PXK: variants seen among roughly 807,000 people sequenced by gnomAD.
The protein encoded by PXK is PX domain containing serine/threonine kinase like, also known as PX domain-containing protein kinase-like protein.
In PXK, 35 loss-of-function variants were observed where a neutral mutation model predicts 84.7. The observed-to-expected ratio is 0.41, with a 90% CI of 0.32 to 0.55. PXK has a LOEUF of 0.55. Among genes scored for constraint, PXK ranks in the 20% least tolerant of loss-of-function variants. The pLI, the probability that PXK is intolerant of heterozygous loss-of-function variation, is 0.21. For missense variants in PXK, 634 were observed against 699.7 expected (o/e 0.91, Z 1.06); for synonymous variants, 253 against 260.8 (o/e 0.97, Z 0.29).
chr3:58,373,239 C>G (rs567661682), intron 3 of PXK, among the ~76,000 whole-genome samples: 3 of 152,202 alleles, frequency 2.0e-5, no homozygotes, highest in East Asian at 3.9e-4. Context: ...CCACCATGCC[C>G]GGCTAATTTT....
At position 58,412,073 on chromosome 3, in the gene PXK, G is replaced by A. The variant is rs1221834066; in HGVS notation, c.1466-828G>A. On this transcript the variant is annotated intron_variant, in intron 16 of 17. Coordinates refer to ENST00000356151, the MANE Select transcript of PXK (RefSeq NM_017771.5). The surrounding 1 kb of genome is among the most constrained non-coding windows in gnomAD (Gnocchi z 6.2). ...CGTGTGATGGCAGCCCTCTGGGTGTGTGTGCCCATCAGCCCAGAAAGCACC... is the reference window on the plus strand; with the variant it reads ...CGTGTGATGGCAGCCCTCTGGGTGTATGTGCCCATCAGCCCAGAAAGCACC... Among the ~76,000 whole-genome samples, 1 of 152,108 alleles carries A rather than the reference G, an allele frequency of 6.6e-6. No individual in the cohort carries two copies. Among genetic ancestry groups the A allele is most frequent in the African/African-American group, 2.4e-5 (1 of 41,418 alleles).
chr3:58,340,599 G>A (rs761778743), intron 1 of PXK, among the ~76,000 whole-genome samples: 1 of 152,044 alleles, frequency 6.6e-6, no homozygotes, highest in Non-Finnish European at 1.5e-5. Flanking sequence ...GGTGGCGCAT[G>A]CCTGTAATCC....
chr3:58,389,867 C>G lies in PXK; in HGVS notation c.389-715C>G, dbSNP rs181798290. On this transcript the variant is annotated intron_variant, in intron 4 of 17. Transcript: ENST00000356151. ...ATACAAAATTAGCTGGGCATGGTGG[C>G]GCATGCCTGTAATCCTAACTACTCA... Among the ~76,000 whole-genome samples the G allele has an allele frequency of 2.9e-3, 434 of 151,730 alleles. 3 individuals are homozygous for G. The highest frequency in any genetic ancestry group is 9.7e-3 in the African/African-American group (402 of 41,374).
chr3:58,397,308 A>G lies in PXK; in HGVS notation c.984+108A>G. On this transcript the variant is annotated intron_variant, in intron 10 of 17. Coordinates refer to ENST00000356151, the MANE Select transcript of PXK (RefSeq NM_017771.5). This position sits in a 1 kb window ranked among gnomAD's most constrained non-coding sequence, Gnocchi z 4.7. Reference sequence around the variant, plus strand: ...CCAAGTAGTGAAAGGTATAGTTGGGACAGGCCTTGCCCGTCAGCCCTTGCA... The same window carrying G: ...CCAAGTAGTGAAAGGTATAGTTGGGGCAGGCCTTGCCCGTCAGCCCTTGCA... The G allele has an allele frequency of 2.2e-6, 3 of 1,339,848 alleles. No individual in the cohort carries two copies. The highest frequency in any genetic ancestry group is 2.1e-6 in the Non-Finnish European group (2 of 960,122). The allele number at this position is 1,339,848 out of a possible 1,614,324, so 83.0% of individuals were successfully genotyped here.
At position 58,425,242 on chromosome 3, in the gene PXK, A is replaced by T; in HGVS notation, c.*282A>T. The T allele has an allele frequency of 2.7e-6, 1 of 368,034 alleles. No individual in the cohort carries two copies. 22.8% of individuals were successfully genotyped at this position (368,034 alleles called of 1,614,324 possible). A position where few individuals can be genotyped will look rare whatever the true frequency, so the allele number is the denominator to read the frequency against. On this transcript the variant is annotated 3_prime_UTR_variant, in exon 18 of 18. Coordinates refer to ENST00000356151, the MANE Select transcript of PXK (RefSeq NM_017771.5). ...AGGCTTTTGGGACAGCAGCATATTGAAATATTTTCACCAACTAAAGGAAAT... is the reference window on the plus strand; with the variant it reads ...AGGCTTTTGGGACAGCAGCATATTGTAATATTTTCACCAACTAAAGGAAAT...
intron 3 of PXK, 74 bp from the exon 4 acceptor site, chr3:58,382,440 G>A: frequency 7.9e-7 from 1 of 1,270,576 alleles, no homozygotes; most frequent in African/African-American, 1.5e-5. Context: ...AATGAAATAT[G>A]ATAGGTCAAG....
intron 2 of PXK, among the ~76,000 whole-genome samples, 184 bp from the exon 3 acceptor site, chr3:58,369,247 T>C (rs553208789): frequency 6.6e-6 from 1 of 152,364 alleles, no homozygotes; most frequent in South Asian, 2.1e-4. Context: ...CGCTTGGCAC[T>C]GCTAAGTCTG....
chr3:58,340,641 C>T (rs2107734956), intron 1 of PXK, among the ~76,000 whole-genome samples: 1 of 151,994 alleles, frequency 6.6e-6, no homozygotes, highest in South Asian at 2.1e-4. Flanking sequence ...CAGGAGAATC[C>T]TTGAACCCAG....
Position 58,333,383 on chromosome 3 carries a change from C to T in PXK, c.102+293C>T, listed in dbSNP as rs1575570269. The T allele has an allele frequency of 3.5e-6, 1 of 285,798 alleles. No homozygotes were observed. Among genetic ancestry groups the T allele is most frequent in the Non-Finnish European group, 7.3e-6 (1 of 137,756 alleles). The allele number at this position is 285,798 out of a possible 1,614,324, so 17.7% of individuals were successfully genotyped here. On this transcript the variant is annotated intron_variant, in intron 1 of 17. Transcript: ENST00000356151. The surrounding 1 kb of genome is among the most constrained non-coding windows in gnomAD (Gnocchi z 5.4). The stretch of plus-strand genomic sequence containing the variant: ...GCGACTCCGAGTTGGGGGGCGGGGG[C>T]GGGGGCTGCGGGATTCCCGGGCTCA...
chr3:58,333,828 G>A lies in PXK; in HGVS notation c.102+738G>A, dbSNP rs1170054526. ...CAGGGTTCATTTCTGCTACATATAC[G>A]GTCTTTTATGGGGCTTTAAAACCGT... On this transcript the variant is annotated intron_variant, in intron 1 of 17. Transcript: ENST00000356151. The surrounding 1 kb of genome is among the most constrained non-coding windows in gnomAD (Gnocchi z 5.4). 6.6e-6 allele frequency among the ~76,000 whole-genome samples: 1 copy of A among 151,830 alleles called. No individual in the cohort carries two copies. Among genetic ancestry groups the A allele is most frequent in the South Asian group, 2.1e-4 (1 of 4,800 alleles).
chr3:58,368,997 C>T (rs2098323907), intron 2 of PXK, among the ~76,000 whole-genome samples: 1 of 152,172 alleles, frequency 6.6e-6, no homozygotes, highest in African/African-American at 2.4e-5. Context: ...GTGGTGGGAG[C>T]TCACCTGGGG....
intron 4 of PXK, among the ~76,000 whole-genome samples, chr3:58,388,353 TG>T (rs2098584605): frequency 6.6e-6 from 1 of 152,232 alleles, no homozygotes; most frequent in Admixed American, 6.5e-5. Flanking sequence ...ATAATGATTT[TG>T]TAGGGAATTC....
chr3:58,335,593 T>C (rs148592471), intron 1 of PXK, among the ~76,000 whole-genome samples: 3 of 139,668 alleles, frequency 2.1e-5, no homozygotes. Context: ...TGAAGGGAGA[T>C]GGTGTTCCAG....
rs144000489 is a variant in PXK, at chr3:58,382,614, A to C, written c.302A>C (p.Asn101Thr). 1.1e-5 allele frequency: 18 copies of C among 1,607,612 alleles called. No homozygotes were observed. In the African/African-American group the frequency reaches 2.3e-4, roughly 20 times the overall value. Residue 101 changes from asparagine to threonine, a missense_variant, in exon 4 of 18, where the codon AAC becomes ACC. Around this residue, in one of 3 missense-constraint regions of PXK, gnomAD observed 353 missense variants for 385.2 expected, o/e 0.92. Transcript: ENST00000356151. The part of the protein sequence containing the change: ...ERQKGLQNYL[N>T]VITTNHILSN... ...CAGAAAGGTCTTCAGAACTATCTCAACGTGATCACAACAAATCATATCTTG... is the reference window on the plus strand; with the variant it reads ...CAGAAAGGTCTTCAGAACTATCTCACCGTGATCACAACAAATCATATCTTG...
At position 58,398,784 on chromosome 3, in the gene PXK, G is replaced by A. The variant is rs968748597; in HGVS notation, c.1103-515G>A. The stretch of plus-strand genomic sequence containing the variant: ...CAAAAGAGGCAATTCAAGAGAACAG[G>A]CCCTGGGACTATATTGTGTTGAATT... On this transcript the variant is annotated intron_variant, in intron 11 of 17. Coordinates refer to ENST00000356151, the MANE Select transcript of PXK (RefSeq NM_017771.5). This position sits in a 1 kb window ranked among gnomAD's most constrained non-coding sequence, Gnocchi z 4.5. 6.6e-6 allele frequency among the ~76,000 whole-genome samples: 1 copy of A among 152,120 alleles called. No homozygotes were observed. Among genetic ancestry groups the A allele is most frequent in the Non-Finnish European group, 1.5e-5 (1 of 68,022 alleles).
chr3:58,354,928 G>C (rs1350530942), intron 1 of PXK, among the ~76,000 whole-genome samples: 4 of 151,976 alleles, frequency 2.6e-5, no homozygotes, highest in Non-Finnish European at 2.9e-5. Flanking sequence ...AGACCATCCT[G>C]GCCAACATGG....
At chr3:58,418,339 G>A (rs1470401101) in intron 17 of PXK, among the ~76,000 whole-genome samples, 1 of 152,188 alleles carries the variant, frequency 6.6e-6, no homozygotes, top group Admixed American at 6.5e-5. Flanking sequence ...AGTTGAAACT[G>A]ACACTCTAGT....
intron 17 of PXK, among the ~76,000 whole-genome samples, chr3:58,423,955 A>G (rs2062391622): frequency 6.6e-6 from 1 of 152,172 alleles, no homozygotes; most frequent in Admixed American, 6.5e-5. Context: ...ACAGCACGAC[A>G]TTCTAGTTTC....
At chr3:58,392,884 A>C (rs1576481220) in intron 7 of PXK, among the ~76,000 whole-genome samples, 2 of 148,528 alleles carry the variant, frequency 1.3e-5, no homozygotes, top group Non-Finnish European at 3.0e-5. Flanking sequence ...CAGATCTTGA[A>C]CTCCTGACCT....
Sources: gnomAD v4.1 joint callset for allele counts (sites outside exome capture counted in the v4.1 genomes callset) on GRCh38, gnomAD v4.1.1 for gene constraint, gnomAD v4.1.1 regional missense constraint, Gnocchi (gnomAD v3.1) non-coding constraint, MANE v1.5 for transcripts, NCBI Gene and HGNC (gene_info 2026-07-23, HGNC 2026-07-21) for gene names.